The following RBFOX1 variants were observed in gnomAD, a reference collection of about 807,000 sequenced individuals.
The protein encoded by RBFOX1 is RNA binding protein fox-1 homolog 1.
Under a neutral mutation model 57.7 loss-of-function variants are expected in RBFOX1, and 8 were observed. The observed-to-expected ratio is 0.14, with a 90% CI of 0.08 to 0.25. The LOEUF is 0.25. RBFOX1 is among the 10% of genes least tolerant of loss of function. The pLI is 1.00. For missense variants in RBFOX1, 611 were observed against 548.5 expected, an observed-to-expected ratio of 1.11 and a Z score of -1.14; for synonymous variants, 326 against 222.4, an observed-to-expected ratio of 1.47 and a Z score of -4.15.
chr16:6,961,366 T>G (rs2082971452), intron 3 of RBFOX1, among the ~76,000 whole-genome samples: 1 of 152,140 alleles, frequency 6.6e-6, no homozygotes, highest in Non-Finnish European at 1.5e-5. Context: ...GTGTTCAAAC[T>G]GTAGTAATTT....
intron 1 of RBFOX1, among the ~76,000 whole-genome samples, chr16:5,455,991 T>G (rs2068619046): frequency 6.6e-6 from 1 of 152,128 alleles, no homozygotes; most frequent in African/African-American, 2.4e-5. Context: ...TTGTTGAGTT[T>G]CATAATGTTA....
chr16:7,222,353 A>C (rs946664147), intron 4 of RBFOX1, among the ~76,000 whole-genome samples: 3 of 152,250 alleles, frequency 2.0e-5, no homozygotes, highest in Non-Finnish European at 4.4e-5. Context: ...GGTAGTTTAT[A>C]TGTCAGTTCC....
chr16:6,702,439 A>C (rs965637025), intron 3 of RBFOX1, among the ~76,000 whole-genome samples: 1 of 152,094 alleles, frequency 6.6e-6, no homozygotes, highest in Non-Finnish European at 1.5e-5. Context: ...CTGTAATCCC[A>C]GCTACTTGGG....
intron 4 of RBFOX1, among the ~76,000 whole-genome samples, chr16:7,510,487 C>CTGTGTGTGTGTGTG (rs59583874): frequency 2.3e-4 from 35 of 149,668 alleles, no homozygotes; most frequent in African/African-American, 7.8e-4. Flanking sequence ...GTATGTGTGT[C>CTGTGTGTGTGTGTG]TGTGTGTGTG....
chr16:5,999,677 C>T (rs182056752), intron 4 of RBFOX1, among the ~76,000 whole-genome samples: 1 of 151,662 alleles, frequency 6.6e-6, no homozygotes, highest in Non-Finnish European at 1.5e-5. Flanking sequence ...CTGGCTAACA[C>T]GGTGAAACCG....
intron 4 of RBFOX1, among the ~76,000 whole-genome samples, chr16:7,457,087 G>T (rs1039900132): frequency 5.3e-5 from 8 of 151,866 alleles, no homozygotes; most frequent in African/African-American, 1.9e-4. Context: ...GGGTTTCTCC[G>T]TGTTGGTCAG....
intron 2 of RBFOX1, among the ~76,000 whole-genome samples, chr16:6,381,730 G>A (rs1392647000): frequency 2.0e-5 from 3 of 152,196 alleles, no homozygotes; most frequent in South Asian, 2.1e-4. Flanking sequence ...GCATTGGGCC[G>A]ATGTATGCCT....
At chr16:6,746,544 GC>G (rs1214038886) in intron 3 of RBFOX1, among the ~76,000 whole-genome samples, 1 of 151,974 alleles carries the variant, frequency 6.6e-6, no homozygotes, top group African/African-American at 2.4e-5. Flanking sequence ...GGGCATGATG[GC>G]ACATGTCTGC....
chr16:7,206,300 A>C (rs2089954952), intron 4 of RBFOX1, among the ~76,000 whole-genome samples: 1 of 151,982 alleles, frequency 6.6e-6, no homozygotes, highest in African/African-American at 2.4e-5. Flanking sequence ...AGTAGGTGAA[A>C]GTTTTCAGGT....
intron 4 of RBFOX1, among the ~76,000 whole-genome samples, chr16:7,210,181 T>C (rs1453133587): frequency 6.6e-6 from 1 of 152,118 alleles, no homozygotes; most frequent in African/African-American, 2.4e-5. Flanking sequence ...TCAGTCAAGA[T>C]CCCACACAAG....
chr16:6,470,853 A>G lies in RBFOX1; in HGVS notation c.-64+153796A>G, dbSNP rs1214029546. On this transcript the variant is annotated intron_variant, in intron 2 of 15. Coordinates refer to ENST00000550418, the MANE Select transcript of RBFOX1 (RefSeq NM_018723.4). ...AGTGTTTCTTTCAGTGAGTCTTGTC[A>G]ATTCTATTTATCAAATATTTACCAA... Among the ~76,000 whole-genome samples the G allele has an allele frequency of 2.0e-5, 3 of 152,032 alleles. No individual in the cohort carries two copies. In the East Asian group the frequency reaches 5.8e-4, roughly 29 times the overall value.
chr16:6,040,637 C>G (rs946138408), intron 1 of RBFOX1, among the ~76,000 whole-genome samples: 4 of 151,820 alleles, frequency 2.6e-5, no homozygotes, highest in South Asian at 2.1e-4. Flanking sequence ...ACTCTGTTGC[C>G]TAGCTGGAGT....
At chr16:6,335,797 A>G (rs868096003) in intron 2 of RBFOX1, among the ~76,000 whole-genome samples, 72 of 149,734 alleles carry the variant, frequency 4.8e-4, no homozygotes, top group African/African-American at 1.6e-3. Flanking sequence ...AAAAGAAAAA[A>G]AAAAGAAAAG....
chr16:6,756,458 T>C (rs138425871), intron 3 of RBFOX1, among the ~76,000 whole-genome samples: 25 of 152,126 alleles, frequency 1.6e-4, no homozygotes, highest in African/African-American at 6.0e-4. Flanking sequence ...AAACAAAATA[T>C]ACAAATAGGA....
intron 3 of RBFOX1, among the ~76,000 whole-genome samples, chr16:6,976,133 G>T (rs951784521): frequency 6.1e-5 from 7 of 115,448 alleles, no homozygotes; most frequent in African/African-American, 1.8e-4. Flanking sequence ...TCTCAAAAAG[G>T]AAAAAGAAAC....
At chr16:5,365,183 G>T (rs2065676383) in intron 1 of RBFOX1, among the ~76,000 whole-genome samples, 1 of 152,116 alleles carries the variant, frequency 6.6e-6, no homozygotes, top group South Asian at 2.1e-4. Flanking sequence ...GCTTCGTGGA[G>T]GTCCGCCTGT....
At chr16:7,320,509 TG>T (rs2096527478) in intron 4 of RBFOX1, among the ~76,000 whole-genome samples, 1 of 152,240 alleles carries the variant, frequency 6.6e-6, no homozygotes, top group Non-Finnish European at 1.5e-5. Context: ...TCCATGTCTT[TG>T]CTATTGTGAT....
intron 2 of RBFOX1, among the ~76,000 whole-genome samples, chr16:6,584,618 C>A (rs147894555): frequency 6.6e-6 from 1 of 152,168 alleles, no homozygotes; most frequent in East Asian, 1.9e-4. Context: ...ATCCACCTGC[C>A]TTGGCCTCCC....
intron 4 of RBFOX1, among the ~76,000 whole-genome samples, chr16:7,261,290 T>A (rs1175992629): frequency 6.6e-6 from 1 of 152,198 alleles, no homozygotes; most frequent in Non-Finnish European, 1.5e-5. Flanking sequence ...TAAAGTGGAA[T>A]TGATGAATGG....
Sources: allele counts gnomAD v4.1 joint callset (sites outside exome capture counted in the v4.1 genomes callset), GRCh38; gene constraint gnomAD v4.1.1; transcripts MANE v1.5; gene names NCBI Gene and HGNC (gene_info 2026-07-23, HGNC 2026-07-21).